Variants in EEIG2 observed in about 807,000 individuals in gnomAD.
EEIG2 encodes the protein family with sequence similarity 102 member B.
At chr1:108,623,766 G>C in the EEIG2 span, among the ~76,000 whole-genome samples, 1 of 151,970 alleles carries the variant, frequency 6.6e-6, no homozygotes, top group African/African-American at 2.4e-5. Flanking sequence ...CTGCCTCCCG[G>C]GTTCAAGTGA....
the EEIG2 span, among the ~76,000 whole-genome samples, chr1:108,568,326 A>G: frequency 6.6e-6 from 1 of 152,304 alleles, no homozygotes; most frequent in African/African-American, 2.4e-5. Context: ...TTATCTACAC[A>G]GCTTGTAAAA....
At chr1:108,584,962 TTTTGCTTTAA>T in the EEIG2 span, among the ~76,000 whole-genome samples, 2 of 152,172 alleles carry the variant, frequency 1.3e-5, no homozygotes, top group Admixed American at 1.3e-4. Flanking sequence ...GGTTGCAAGA[TTTTGCTTTAA>T]ACTAAATTAA....
At chr1:108,568,141 C>T in the EEIG2 span, among the ~76,000 whole-genome samples, 9 of 151,974 alleles carry the variant, frequency 5.9e-5, no homozygotes, top group Admixed American at 5.9e-4. Flanking sequence ...GTATTAATGC[C>T]ATTTTACACC....
chr1:108,606,830 T>C, the EEIG2 span, among the ~76,000 whole-genome samples: 2 of 152,226 alleles, frequency 1.3e-5, no homozygotes, highest in African/African-American at 4.8e-5. Context: ...TTTTAAATTT[T>C]GTTTTTTATT....
chr1:108,621,181 C>T, the EEIG2 span, among the ~76,000 whole-genome samples: 7 of 151,988 alleles, frequency 4.6e-5, no homozygotes, highest in African/African-American at 1.7e-4. Context: ...TAAAGTAATC[C>T]CATTTCTTTT....
At chr1:108,635,463 A>T in the EEIG2 span, 1 of 237,286 alleles carries the variant, frequency 4.2e-6, no homozygotes. Context: ...CATTATATAC[A>T]TCGGAGTATC....
chr1:108,600,792 A>G, the EEIG2 span: 1 of 1,179,298 alleles, frequency 8.5e-7, no homozygotes, highest in East Asian at 2.5e-5. Context: ...TTAGAACTGT[A>G]TATGCAGTTT....
At chr1:108,621,962 G>A in the EEIG2 span, among the ~76,000 whole-genome samples, 1 of 152,118 alleles carries the variant, frequency 6.6e-6, no homozygotes, top group Admixed American at 6.5e-5. Flanking sequence ...TTCAAGACCA[G>A]CCTGGCCAAC....
the EEIG2 span, among the ~76,000 whole-genome samples, chr1:108,562,249 T>A: frequency 6.6e-6 from 1 of 152,098 alleles, no homozygotes; most frequent in Non-Finnish European, 1.5e-5. Flanking sequence ...GATAAAGGAA[T>A]AAATCGTGTG....
the EEIG2 span, among the ~76,000 whole-genome samples, chr1:108,571,738 C>A: frequency 6.6e-6 from 1 of 152,090 alleles, no homozygotes; most frequent in Non-Finnish European, 1.5e-5. Context: ...CCGCCCACTT[C>A]CTAGGAGGTC....
At chr1:108,567,341 A>G in the EEIG2 span, among the ~76,000 whole-genome samples, 6 of 152,156 alleles carry the variant, frequency 3.9e-5, no homozygotes, top group Non-Finnish European at 7.3e-5. Context: ...GGAAGGTGCT[A>G]TTATTACGTC....
At chr1:108,571,787 G>A in the EEIG2 span, among the ~76,000 whole-genome samples, 21 of 151,954 alleles carry the variant, frequency 1.4e-4, no homozygotes, top group African/African-American at 3.6e-4. Context: ...TTTATTGTCC[G>A]TCCTTCCTCC....
At chr1:108,587,477 T>G in the EEIG2 span, among the ~76,000 whole-genome samples, 4 of 152,114 alleles carry the variant, frequency 2.6e-5, no homozygotes, top group Non-Finnish European at 5.9e-5. Context: ...GTCCATTCTG[T>G]GTTTTGACAA....
the EEIG2 span, chr1:108,628,853 AATCTGTG>A: frequency 6.4e-7 from 1 of 1,573,504 alleles, no homozygotes; most frequent in Non-Finnish European, 8.7e-7. Context: ...AGGTTTTTGT[AATCTGTG>A]TAGTCAGCAG....
chr1:108,631,124 T>C, the EEIG2 span: 1 of 401,212 alleles, frequency 2.5e-6, no homozygotes, highest in Non-Finnish European at 5.0e-6. Context: ...AGATCTTTGA[T>C]TGACTCATCT....
chr1:108,619,130 CTT>C, the EEIG2 span, among the ~76,000 whole-genome samples: 18 of 152,154 alleles, frequency 1.2e-4, no homozygotes, highest in Admixed American at 6.5e-5. Flanking sequence ...TTTCTCTTCC[CTT>C]TTCTCTCTCT....
the EEIG2 span, among the ~76,000 whole-genome samples, chr1:108,580,104 T>C: frequency 1.3e-5 from 2 of 152,126 alleles, no homozygotes; most frequent in Admixed American, 6.6e-5. Flanking sequence ...ACTTCATATC[T>C]CTAGGTCACT....
chr1:108,571,870 G>T, the EEIG2 span, among the ~76,000 whole-genome samples: 1 of 152,040 alleles, frequency 6.6e-6, no homozygotes, highest in African/African-American at 2.4e-5. Context: ...TATTTCAGAG[G>T]ATGAACTATT....
the EEIG2 span, among the ~76,000 whole-genome samples, chr1:108,586,333 G>A: frequency 1.3e-5 from 2 of 150,406 alleles, no homozygotes; most frequent in Non-Finnish European, 1.5e-5. Flanking sequence ...GTGTGTGTGT[G>A]TGTGTGTGTG....
Sources: allele counts gnomAD v4.1 joint callset (sites outside exome capture counted in the v4.1 genomes callset), GRCh38; gene constraint gnomAD v4.1.1; transcripts MANE v1.5; gene names NCBI Gene and HGNC (gene_info 2026-07-23, HGNC 2026-07-21).